AVEN: variants seen among roughly 807,000 people sequenced by gnomAD.
The protein encoded by AVEN is cell death regulator Aven.
A neutral mutation model predicts 38.1 loss-of-function variants in AVEN; 41 were observed. That is an observed-to-expected ratio of 1.08 (90% CI 0.84 to 1.40). The LOEUF is 1.40. Among genes scored for constraint, AVEN ranks in the 40% most tolerant of loss-of-function variants. AVEN has a pLI of 0.00. For synonymous variants in AVEN, 206 were observed against 171.8 expected (o/e 1.20, Z -1.56); for missense variants, 605 against 438.8 (o/e 1.38, Z -3.38).
downstream of AVEN, chr15:33,857,746 A>G (rs541614711): frequency 1.9e-6 from 3 of 1,611,328 alleles, no homozygotes; most frequent in Non-Finnish European, 2.5e-6. Context: ...AGAAGACCCC[A>G]CTCCTTTTCC....
At chr15:33,879,125 C>A (rs1056422443) in intron 2 of AVEN, among the ~76,000 whole-genome samples, 1 of 151,778 alleles carries the variant, frequency 6.6e-6, no homozygotes, top group East Asian at 1.9e-4. Flanking sequence ...CGGCACTATT[C>A]ACAATAGCAA....
At chr15:34,038,686 C>T (rs887786480) in intron 1 of AVEN, 94 bp downstream of exon 1, 5 of 1,070,016 alleles carry the variant, frequency 4.7e-6, no homozygotes, top group Non-Finnish European at 5.7e-6. Context: ...CTGGCGCGCG[C>T]CTGGCACGCT....
downstream of AVEN, chr15:33,855,943 C>G (rs955015327): frequency 1.3e-5 from 2 of 152,146 alleles, no homozygotes; most frequent in African/African-American, 4.8e-5. Flanking sequence ...GACAGACAGG[C>G]TTCCTCACAT....
chr15:33,875,281 C>A (rs750904118), intron 3 of AVEN, among the ~76,000 whole-genome samples: 11 of 152,138 alleles, frequency 7.2e-5, no homozygotes, highest in Non-Finnish European at 1.3e-4. Context: ...GGGAGCATAT[C>A]ACAAGTCACC....
intron 5 of AVEN, among the ~76,000 whole-genome samples, chr15:34,049,755 A>G (rs1899864998): frequency 6.6e-6 from 1 of 152,132 alleles, no homozygotes; most frequent in African/African-American, 2.4e-5. Context: ...CGTTGAAATG[A>G]AAGAAAAAAT....
intron 2 of AVEN, among the ~76,000 whole-genome samples, chr15:33,882,596 G>A (rs1891537217): frequency 6.6e-6 from 1 of 151,716 alleles, no homozygotes; most frequent in Admixed American, 6.6e-5. Flanking sequence ...TGGGTGTACA[G>A]TGGCTTACGC....
At chr15:33,899,936 G>GTT (rs61609189) in intron 2 of AVEN, among the ~76,000 whole-genome samples, 27 of 145,278 alleles carry the variant, frequency 1.9e-4, no homozygotes, top group African/African-American at 5.2e-4. Context: ...TCACAGTTCA[G>GTT]TTTTTTTTTT....
chr15:33,873,892 C>T (rs1231818856), intron 3 of AVEN, among the ~76,000 whole-genome samples: 1 of 152,158 alleles, frequency 6.6e-6, no homozygotes, highest in African/African-American at 2.4e-5. Context: ...CAGTTGACCC[C>T]ATCCTCCACT....
At chr15:33,897,899 A>G (rs1892306927) in intron 2 of AVEN, among the ~76,000 whole-genome samples, 1 of 150,708 alleles carries the variant, frequency 6.6e-6, no homozygotes, top group Non-Finnish European at 1.5e-5. Context: ...AGCAAAAAAT[A>G]GCTGAATGGG....
chr15:33,862,325 C>G (rs1351038554), downstream of AVEN, among the ~76,000 whole-genome samples: 1 of 152,050 alleles, frequency 6.6e-6, no homozygotes, highest in Non-Finnish European at 1.5e-5. Flanking sequence ...ACATCCGCCT[C>G]AGCCTCCTGA....
chr15:34,032,020 C>A (rs1898868163), intron 1 of AVEN, among the ~76,000 whole-genome samples: 2 of 115,080 alleles, frequency 1.7e-5, no homozygotes, highest in Non-Finnish European at 4.1e-5. Flanking sequence ...TACGCGCGCA[C>A]ACGCACACAC....
chr15:34,035,276 C>A (rs1899063013), intron 1 of AVEN, among the ~76,000 whole-genome samples: 1 of 152,056 alleles, frequency 6.6e-6, no homozygotes, highest in South Asian at 2.1e-4. Flanking sequence ...TGAAAAGCTG[C>A]AATATAAACA....
chr15:33,900,459 C>T (rs118158829), intron 2 of AVEN, among the ~76,000 whole-genome samples: 1 of 152,000 alleles, frequency 6.6e-6, no homozygotes, highest in African/African-American at 2.4e-5. Context: ...AGGCATGAGC[C>T]ACCACGCCCA....
chr15:33,993,788 C>A (rs569589393), intron 2 of AVEN, among the ~76,000 whole-genome samples: 1 of 152,042 alleles, frequency 6.6e-6, no homozygotes, highest in Non-Finnish European at 1.5e-5. Flanking sequence ...CTGGAATAAT[C>A]ATTTCCTTGA....
intron 2 of AVEN, among the ~76,000 whole-genome samples, chr15:33,904,068 T>C (rs1330267733): frequency 6.6e-6 from 1 of 152,198 alleles, no homozygotes; most frequent in Admixed American, 6.5e-5. Flanking sequence ...GTATATGTGG[T>C]CCATGATTGA....
intron 2 of AVEN, among the ~76,000 whole-genome samples, chr15:33,877,410 G>C (rs1052699675): frequency 2.0e-5 from 3 of 152,240 alleles, no homozygotes; most frequent in African/African-American, 7.2e-5. Flanking sequence ...ACAATGCTGT[G>C]TGTCTGGAAA....
In AVEN at chr15:33,885,066, T is replaced by A. The variant is rs187109642; in HGVS notation, c.446-9071A>T. Reference sequence around the variant, plus strand: ...TCCTGGCTCCTCTTCATCATGATCATCTTCCTTTATCTATCCCACAGCCCC... The same window carrying A: ...TCCTGGCTCCTCTTCATCATGATCAACTTCCTTTATCTATCCCACAGCCCC... On this transcript the variant is annotated intron_variant, in intron 2 of 5. Coordinates refer to ENST00000306730, the MANE Select transcript of AVEN (RefSeq NM_020371.3). 2.9e-3 allele frequency among the ~76,000 whole-genome samples: 443 copies of A among 152,292 alleles called. 2 individuals carry two copies. The highest frequency in any genetic ancestry group is 0.01 in the African/African-American group (432 of 41,560).
chr15:33,902,962 C>G (rs1390281314), intron 2 of AVEN, among the ~76,000 whole-genome samples: 1 of 152,188 alleles, frequency 6.6e-6, no homozygotes, highest in African/African-American at 2.4e-5. Context: ...CAAATGCCAT[C>G]TAATGGAGCC....
At chr15:33,942,220 CTA>C (rs911489816) in intron 2 of AVEN, among the ~76,000 whole-genome samples, 5 of 152,130 alleles carry the variant, frequency 3.3e-5, no homozygotes, top group African/African-American at 9.7e-5. Flanking sequence ...TTGTCAAATT[CTA>C]TGTTTGTATA....
Sources: allele counts gnomAD v4.1 joint callset (sites outside exome capture counted in the v4.1 genomes callset), GRCh38; gene constraint gnomAD v4.1.1; transcripts MANE v1.5; gene names NCBI Gene and HGNC (gene_info 2026-07-23, HGNC 2026-07-21).